Variants in CYS1 observed in about 807,000 individuals in gnomAD.
CYS1 encodes cystin 1, also known as cystin-1.
CYS1 carries 5 observed loss-of-function variants against 9.6 expected under a neutral mutation model. The ratio of observed to expected loss-of-function variants is 0.52; its 90% CI spans 0.27 to 1.10. CYS1 has a LOEUF of 1.10. CYS1 is among the 50% of genes least tolerant of loss of function. The pLI, the probability that CYS1 is intolerant of heterozygous loss-of-function variation, is 0.11. For synonymous variants in CYS1, 88 were observed against 95.7 expected, an observed-to-expected ratio of 0.92 and a Z score of 0.47; for missense variants, 221 against 207.9, an observed-to-expected ratio of 1.06 and a Z score of -0.39.
At chr2:10,079,101 G>A (rs1661900528) in intron 1 of CYS1, among the ~76,000 whole-genome samples, 1 of 152,218 alleles carries the variant, frequency 6.6e-6, no homozygotes, top group Non-Finnish European at 1.5e-5. Context: ...GTAAGGGAGA[G>A]GAGCAGGGAA....
chr2:10,070,437 C>T (rs1661750100), intron 1 of CYS1, among the ~76,000 whole-genome samples: 1 of 151,446 alleles, frequency 6.6e-6, no homozygotes, highest in Non-Finnish European at 1.5e-5. Context: ...CCTCTGCCTC[C>T]AGGGTTCAAG....
Position 10,063,734 on chromosome 2 carries a change from C to T in CYS1, c.371+2170G>A, listed in dbSNP as rs898364397. 4.6e-5 allele frequency among the ~76,000 whole-genome samples: 7 copies of T among 152,124 alleles called. No homozygotes were observed. Among genetic ancestry groups the T allele is most frequent in the Admixed American group, 2.6e-4 (4 of 15,266 alleles). Reference sequence around the variant, plus strand: ...TGGCCTGCAGGGTCCACGGCTGCCACGGGAGTCAGGTGTGTGCCGTGGGCA... The same window carrying T: ...TGGCCTGCAGGGTCCACGGCTGCCATGGGAGTCAGGTGTGTGCCGTGGGCA... On this transcript the variant is annotated intron_variant, in intron 2 of 2. Coordinates refer to ENST00000381813, the MANE Select transcript of CYS1 (RefSeq NM_001037160.3). The surrounding 1 kb of genome is among the most constrained non-coding windows in gnomAD (Gnocchi z 4.2).
intron 2 of CYS1, among the ~76,000 whole-genome samples, chr2:10,065,148 C>CT (rs1661678569): frequency 1.3e-5 from 2 of 152,218 alleles, no homozygotes; most frequent in Admixed American, 1.3e-4. Flanking sequence ...GGCCCCTGCA[C>CT]TGCAGCCCTC....
chr2:10,059,688 T>C (rs1661600569), intron 2 of CYS1, among the ~76,000 whole-genome samples: 1 of 152,130 alleles, frequency 6.6e-6, no homozygotes. Flanking sequence ...AGTAAGACTC[T>C]GTCTCAAAAA....
intron 1 of CYS1, among the ~76,000 whole-genome samples, chr2:10,066,342 C>A (rs1661694494): frequency 6.6e-6 from 1 of 152,072 alleles, no homozygotes; most frequent in African/African-American, 2.4e-5. Flanking sequence ...AGCACGAGGG[C>A]ACCCCGTGTG....
intron 2 of CYS1, among the ~76,000 whole-genome samples, chr2:10,064,750 C>T (rs1280396799): frequency 1.3e-5 from 2 of 151,908 alleles, no homozygotes; most frequent in Non-Finnish European, 2.9e-5. Context: ...CAGAGTCTCC[C>T]TCTGTCACCC....
intron 1 of CYS1, among the ~76,000 whole-genome samples, chr2:10,067,412 T>C (rs1418961616): frequency 4.7e-5 from 7 of 148,814 alleles, no homozygotes; most frequent in African/African-American, 7.4e-5. Context: ...TTTTCTTTTT[T>C]TTTTTTTTTT....
chr2:10,070,406 C>T (rs987484988), intron 1 of CYS1, among the ~76,000 whole-genome samples: 4 of 152,082 alleles, frequency 2.6e-5, no homozygotes, highest in Admixed American at 6.6e-5. Context: ...AGTGCAGTGG[C>T]GTGATCTCGG....
At chr2:10,066,566 G>A (rs575524332) in intron 1 of CYS1, among the ~76,000 whole-genome samples, 3 of 152,226 alleles carry the variant, frequency 2.0e-5, no homozygotes, top group Admixed American at 2.0e-4. Flanking sequence ...TTGTCTACCC[G>A]TGCAGTGCCA....
chr2:10,070,833 G>A (rs569727543), intron 1 of CYS1, among the ~76,000 whole-genome samples: 1 of 152,022 alleles, frequency 6.6e-6, no homozygotes, highest in South Asian at 2.1e-4. Flanking sequence ...TTGTAGAGAC[G>A]AAGTCTCCCT....
chr2:10,076,949 A>G lies in CYS1; in HGVS notation c.318+2957T>C, dbSNP rs1425939915. Among the ~76,000 whole-genome samples the G allele has an allele frequency of 6.6e-6, 1 of 152,178 alleles. No homozygotes were observed. The highest frequency in any genetic ancestry group is 2.4e-5 in the African/African-American group (1 of 41,446). The stretch of plus-strand genomic sequence containing the variant: ...TGACATTTCTGTTTGGATGTCTGAC[A>G]GGCATCTCAAATTTAACATACTGAA... On this transcript the variant is annotated intron_variant, in intron 1 of 2. Transcript: ENST00000381813. The surrounding 1 kb of genome is among the most constrained non-coding windows in gnomAD (Gnocchi z 4.3).
rs986467981 is a variant in CYS1 at position 10,063,455 on chromosome 2, T to C, written c.371+2449A>G. Among the ~76,000 whole-genome samples the C allele has an allele frequency of 6.6e-6, 1 of 152,234 alleles. No homozygotes were observed. The highest frequency in any genetic ancestry group is 2.4e-5 in the African/African-American group (1 of 41,472). ...TTCAAACATACTGAAAAGTTAAAAT[T>C]TGTAGATTCAACAATTAAGTTCAAC... On this transcript the variant is annotated intron_variant, in intron 2 of 2. Transcript: ENST00000381813. This position sits in a 1 kb window ranked among gnomAD's most constrained non-coding sequence, Gnocchi z 4.2.
At chr2:10,077,871 A>G (rs1661877125) in intron 1 of CYS1, among the ~76,000 whole-genome samples, 1 of 152,062 alleles carries the variant, frequency 6.6e-6, no homozygotes, top group Non-Finnish European at 1.5e-5. Flanking sequence ...GCACTTTCGG[A>G]GACCAAGGTG....
intron 2 of CYS1, among the ~76,000 whole-genome samples, chr2:10,062,012 G>GC (rs1321774209): frequency 6.6e-6 from 1 of 151,628 alleles, no homozygotes; most frequent in East Asian, 1.9e-4. Context: ...CTAAAGTCAT[G>GC]CTTTTTTTTT....
intron 1 of CYS1, among the ~76,000 whole-genome samples, chr2:10,066,550 G>A (rs1462119007): frequency 1.3e-5 from 2 of 152,250 alleles, no homozygotes; most frequent in Admixed American, 6.5e-5. Context: ...TGGTCCGACA[G>A]TCCACTTGTC....
At chr2:10,077,122 C>T (rs1319142581) in intron 1 of CYS1, among the ~76,000 whole-genome samples, 1 of 152,058 alleles carries the variant, frequency 6.6e-6, no homozygotes, top group Non-Finnish European at 1.5e-5. Context: ...CCAGTCACCC[C>T]ACTAGTGAGT....
intron 1 of CYS1, among the ~76,000 whole-genome samples, chr2:10,075,203 G>T (rs1661827082): frequency 6.6e-6 from 1 of 152,108 alleles, no homozygotes; most frequent in Non-Finnish European, 1.5e-5. Flanking sequence ...TCAACCGCTG[G>T]AACACATTAG....
In CYS1 at chr2:10,063,642, C is replaced by T. The variant is rs374881098; in HGVS notation, c.371+2262G>A. ...ACACTGGAGGGAGGAGATTGAAGGG[C>T]GGGACACTGTTGCAGCCACAGGGTG... On this transcript the variant is annotated intron_variant, in intron 2 of 2. Coordinates refer to ENST00000381813, the MANE Select transcript of CYS1 (RefSeq NM_001037160.3). This position sits in a 1 kb window ranked among gnomAD's most constrained non-coding sequence, Gnocchi z 4.2. Among the ~76,000 whole-genome samples, 5 of 152,106 alleles carry T rather than the reference C, an allele frequency of 3.3e-5. No individual in the cohort carries two copies. The highest frequency in any genetic ancestry group is 1.2e-4 in the African/African-American group (5 of 41,426).
At position 10,076,238 on chromosome 2, in the gene CYS1, AT is replaced by A. The variant is rs1250040537; in HGVS notation, c.318+3667del. ...TCTATGTCTACTTGATTAAACCAAA[AT>A]TTCTTCTCCAAGGGTTCCTTCAAAT... On this transcript the variant is annotated intron_variant, in intron 1 of 2. Transcript: ENST00000381813. The surrounding 1 kb of genome is among the most constrained non-coding windows in gnomAD (Gnocchi z 4.3). 2.0e-5 allele frequency among the ~76,000 whole-genome samples: 3 copies of A among 152,118 alleles called. No homozygotes were observed. The highest frequency in any genetic ancestry group is 4.4e-5 in the Non-Finnish European group (3 of 68,012).
Sources: gnomAD v4.1 joint callset for allele counts (sites outside exome capture counted in the v4.1 genomes callset) on GRCh38, gnomAD v4.1.1 for gene constraint, Gnocchi (gnomAD v3.1) non-coding constraint, MANE v1.5 for transcripts, NCBI Gene and HGNC (gene_info 2026-07-23, HGNC 2026-07-21) for gene names.